Variants in TPX2 observed in about 807,000 individuals in gnomAD.
The protein encoded by TPX2 is targeting protein for Xklp2.
Under a neutral mutation model 93.6 loss-of-function variants are expected in TPX2, and 21 were observed. The ratio of observed to expected loss-of-function variants is 0.22; its 90% CI spans 0.16 to 0.32. TPX2 has a LOEUF of 0.32. TPX2 is among the 10% of genes least tolerant of loss of function. The pLI is 1.00. For missense variants in TPX2, 776 were observed against 871.1 expected, an observed-to-expected ratio of 0.89 and a Z score of 1.37; for synonymous variants, 281 against 298.3, an observed-to-expected ratio of 0.94 and a Z score of 0.60.
chr20:31,758,508 G>A (rs1600362761), intron 3 of TPX2, among the ~76,000 whole-genome samples: 1 of 152,158 alleles, frequency 6.6e-6, no homozygotes, highest in African/African-American at 2.4e-5. Context: ...TAAGAATGTG[G>A]TTACATTTTT....
chr20:31,763,721 ATT>A (rs370520481), intron 4 of TPX2, among the ~76,000 whole-genome samples: 5 of 114,002 alleles, frequency 4.4e-5, no homozygotes, highest in Non-Finnish European at 3.5e-5. Context: ...TTTAAATTTA[ATT>A]TTTTTTTTTT....
intron 2 of TPX2, among the ~76,000 whole-genome samples, chr20:31,748,727 G>A (rs1050164573): frequency 1.3e-5 from 2 of 152,088 alleles, no homozygotes; most frequent in Non-Finnish European, 2.9e-5. Context: ...TGGTGATCTT[G>A]GAATAGTGTA....
At chr20:31,765,691 G>A (rs1390859359) in intron 4 of TPX2, among the ~76,000 whole-genome samples, 1 of 152,202 alleles carries the variant, frequency 6.6e-6, no homozygotes, top group Non-Finnish European at 1.5e-5. Context: ...TTCAATGCCA[G>A]ATCAATAACT....
intron 15 of TPX2, among the ~76,000 whole-genome samples, chr20:31,796,421 A>T (rs2062139143): frequency 6.6e-6 from 1 of 152,250 alleles, no homozygotes; most frequent in Non-Finnish European, 1.5e-5. Context: ...AAATATCTGC[A>T]CATTTCTCAT....
chr20:31,745,137 C>T (rs1177605454), intron 2 of TPX2, among the ~76,000 whole-genome samples: 2 of 152,212 alleles, frequency 1.3e-5, no homozygotes, highest in East Asian at 1.9e-4. Flanking sequence ...ACATGTAACA[C>T]CAAATTGCCT....
chr20:31,798,221 G>T lies in TPX2; in HGVS notation c.1946-144G>T, dbSNP rs371271177. 568 of 966,898 alleles carry T rather than the reference G, an allele frequency of 5.9e-4. 2 individuals carry two copies. The African/African-American group carries it at 8.1e-3, about 14-fold the overall frequency. The allele number at this position is 966,898 out of a possible 1,614,324, so 59.9% of individuals were successfully genotyped here. ...ATTCTAAAACTTTTTGTATTTAGTT[G>T]GCTCTACCTTTCTCCCAATGGGGCT... On this transcript the variant is annotated intron_variant, in intron 16 of 17. Coordinates refer to ENST00000300403, the MANE Select transcript of TPX2 (RefSeq NM_012112.5).
At chr20:31,768,293 G>C (rs2061941907) in intron 5 of TPX2, among the ~76,000 whole-genome samples, 1 of 148,332 alleles carries the variant, frequency 6.7e-6, no homozygotes, top group South Asian at 2.1e-4. Context: ...CTGGAGTGCA[G>C]TGGGCGATCT....
chr20:31,794,444 A>G lies in TPX2; in HGVS notation c.1729A>G (p.Ile577Val), dbSNP rs749459297. 3 of 1,614,050 alleles carry G rather than the reference A, an allele frequency of 1.9e-6. No individual in the cohort carries two copies. The highest frequency in any genetic ancestry group is 2.5e-6 in the Non-Finnish European group (3 of 1,180,048). ...ACTTCCCTTGCCTCATTTTGACACC[A>G]TTAACCTGCCAGAGAAGAAGGTAAA... is the stretch of plus-strand genomic sequence containing the variant. ...KALPLPHFDT[I>V]NLPEKKVKNV... The change falls in exon 15 of 18, where the codon ATT becomes GTT. Residue 577 changes from isoleucine (I) to valine (V), a missense_variant. Transcript: ENST00000300403.
chr20:31,739,941 G>T (rs1347201050), intron 1 of TPX2, among the ~76,000 whole-genome samples: 2 of 152,202 alleles, frequency 1.3e-5, no homozygotes, highest in Non-Finnish European at 2.9e-5. Context: ...GATGGTGTGA[G>T]AACATAATTG....
At chr20:31,758,001 T>A (rs556110760) in intron 3 of TPX2, among the ~76,000 whole-genome samples, 1 of 152,334 alleles carries the variant, frequency 6.6e-6, no homozygotes, top group East Asian at 1.9e-4. Context: ...CAGTTTTACT[T>A]GTATGTGTAT....
At chr20:31,749,008 C>T (rs991066632) in intron 2 of TPX2, among the ~76,000 whole-genome samples, 2 of 150,638 alleles carry the variant, frequency 1.3e-5, no homozygotes, top group East Asian at 1.9e-4. Context: ...TGCAGTGGCG[C>T]GATCTCGGCT....
chr20:31,761,517 G>T (rs2061891181), intron 4 of TPX2, among the ~76,000 whole-genome samples: 1 of 152,084 alleles, frequency 6.6e-6, no homozygotes, highest in African/African-American at 2.4e-5. Flanking sequence ...ATCTTTCTAT[G>T]CCTGACTTAC....
chr20:31,771,504 G>GT, intron 6 of TPX2, 56 bp from the exon 7 acceptor site: 1 of 1,580,086 alleles, frequency 6.3e-7, no homozygotes, highest in Middle Eastern at 1.7e-4. Flanking sequence ...GGGGAGGAGG[G>GT]TACAGGCTAT....
At chr20:31,793,479 G>A (rs762753959) in intron 13 of TPX2, among the ~76,000 whole-genome samples, 12 of 152,270 alleles carry the variant, frequency 7.9e-5, no homozygotes, top group Middle Eastern at 6.8e-3. Flanking sequence ...CCTATTCTGG[G>A]TTTGGCAACC....
chr20:31,760,187 A>G lies in TPX2; in HGVS notation c.229+8A>G. On this transcript the variant is annotated splice_region_variant and intron_variant, in intron 4 of 17. Coordinates refer to ENST00000300403, the MANE Select transcript of TPX2 (RefSeq NM_012112.5). ...TCACACCTTTGAAACCAGGTAAGAA[A>G]ACATCTTAGAAAAAAGCTCCTTGAT... is the stretch of plus-strand genomic sequence containing the variant. 1 of 1,613,114 alleles carries G rather than the reference A, an allele frequency of 6.2e-7. No individual in the cohort carries two copies. The highest frequency in any genetic ancestry group is 8.5e-7 in the Non-Finnish European group (1 of 1,179,642).
chr20:31,758,418 C>A (rs1245504521), intron 3 of TPX2, among the ~76,000 whole-genome samples: 1 of 152,166 alleles, frequency 6.6e-6, no homozygotes, highest in Non-Finnish European at 1.5e-5. Flanking sequence ...CTGCGCCTGG[C>A]CCTCAATTCA....
chr20:31,795,196 C>T (rs917082626), intron 15 of TPX2, among the ~76,000 whole-genome samples: 2 of 152,004 alleles, frequency 1.3e-5, no homozygotes, highest in Admixed American at 1.3e-4. Context: ...TGCAGTAGTG[C>T]GATCTCGGCT....
chr20:31,801,067 G>A lies in TPX2; in HGVS notation c.2231G>A (p.Arg744Gln), dbSNP rs753710645. 3.1e-6 allele frequency: 5 copies of A among 1,614,048 alleles called. No individual in the cohort carries two copies. Among genetic ancestry groups the A allele is most frequent in the African/African-American group, 2.7e-5 (2 of 75,026 alleles). ...TVPVSPKFST[R>Q]FHC ...CCTGTATCTCCCAAATTCTCCACTC[G>A]ATTCCACTGCTAAACTCAGCTGTGA... Residue 744 changes from arginine (R) to glutamine (Q), a missense_variant, in exon 18 of 18, where the codon CGA becomes CAA. Around this residue, in one of 3 missense-constraint regions of TPX2, gnomAD observed 461 missense variants for 551.2 expected, o/e 0.84. Coordinates refer to ENST00000300403, the MANE Select transcript of TPX2 (RefSeq NM_012112.5).
intron 12 of TPX2, among the ~76,000 whole-genome samples, 170 bp downstream of exon 12, chr20:31,784,091 G>A (rs542843793): frequency 6.6e-6 from 1 of 152,264 alleles, no homozygotes; most frequent in South Asian, 2.1e-4. Context: ...CTCAAAGTCT[G>A]GTATGGGAGA....
Sources: gnomAD v4.1 joint callset for allele counts (sites outside exome capture counted in the v4.1 genomes callset) on GRCh38, gnomAD v4.1.1 for gene constraint, gnomAD v4.1.1 regional missense constraint, MANE v1.5 for transcripts, NCBI Gene and HGNC (gene_info 2026-07-23, HGNC 2026-07-21) for gene names.